The following IMMP2L variants were observed in gnomAD, a reference collection of about 807,000 sequenced individuals.
IMMP2L encodes the protein mitochondrial inner membrane protease subunit 2.
IMMP2L carries 18 observed loss-of-function variants against 19.3 expected under a neutral mutation model. That is an observed-to-expected ratio of 0.93 (90% confidence interval 0.64 to 1.38). The LOEUF (loss-of-function observed/expected upper bound fraction) is 1.38, where lower values mean the gene tolerates loss of function less well. IMMP2L is among the 40% of genes most tolerant of loss of function. IMMP2L has a pLI of 0.00. For missense variants in IMMP2L, 233 were observed against 218.2 expected (o/e 1.07, Z -0.43); for synonymous variants, 76 against 73.0 (o/e 1.04, Z -0.21).
chr7:110,849,756 C>T (rs370467892), intron 5 of IMMP2L, among the ~76,000 whole-genome samples: 33 of 152,020 alleles, frequency 2.2e-4, no homozygotes, highest in Non-Finnish European at 8.8e-5. Flanking sequence ...TGACAATAGC[C>T]TTGAAGATGT....
At chr7:110,989,681 A>C (rs1822251370) in intron 3 of IMMP2L, among the ~76,000 whole-genome samples, 1 of 150,954 alleles carries the variant, frequency 6.6e-6, no homozygotes, top group South Asian at 2.1e-4. Context: ...AAATATTAAT[A>C]TATAACTAAA....
chr7:111,229,709 G>T (rs535315700), intron 3 of IMMP2L, among the ~76,000 whole-genome samples: 5 of 152,006 alleles, frequency 3.3e-5, no homozygotes, highest in African/African-American at 1.2e-4. Flanking sequence ...AGGAATTATC[G>T]TATATATTAA....
intron 3 of IMMP2L, among the ~76,000 whole-genome samples, chr7:111,258,360 T>C (rs1425525671): frequency 1.3e-5 from 2 of 152,050 alleles, no homozygotes; most frequent in Non-Finnish European, 2.9e-5. Flanking sequence ...GGGTAAAATA[T>C]AAAATATGTT....
chr7:110,971,652 G>A (rs1490716160), intron 3 of IMMP2L, among the ~76,000 whole-genome samples: 1 of 152,110 alleles, frequency 6.6e-6, no homozygotes, highest in Admixed American at 6.6e-5. Context: ...GAATTGAAAA[G>A]CATTGTTTGC....
At chr7:111,112,165 G>A (rs912224204) in intron 3 of IMMP2L, among the ~76,000 whole-genome samples, 7 of 151,694 alleles carry the variant, frequency 4.6e-5, no homozygotes, top group East Asian at 3.9e-4. Flanking sequence ...ACTGGGTTTC[G>A]CCATGTTGGC....
chr7:110,875,371 G>T (rs1248595721), intron 5 of IMMP2L, among the ~76,000 whole-genome samples: 3 of 151,978 alleles, frequency 2.0e-5, no homozygotes, highest in Non-Finnish European at 2.9e-5. Flanking sequence ...TTGTTTGAAA[G>T]ACTATGCTTT....
At position 111,356,757 on chromosome 7, in the gene IMMP2L, T is replaced by A. The variant is rs185936865; in HGVS notation, c.239+130481A>T. The stretch of plus-strand genomic sequence containing the variant: ...AAAAGCATATATAGGCTGGGCTCAG[T>A]GGCTCATGCCTGTAATCCCTGCACT... On this transcript the variant is annotated intron_variant, in intron 3 of 5. Coordinates refer to ENST00000405709, the MANE Select transcript of IMMP2L (RefSeq NM_032549.4). 7.2e-5 allele frequency among the ~76,000 whole-genome samples: 11 copies of A among 152,320 alleles called. No individual in the cohort carries two copies. The East Asian group carries it at 2.1e-3, about 29-fold the overall frequency.
chr7:110,844,758 A>C (rs563311157), intron 5 of IMMP2L, among the ~76,000 whole-genome samples: 1 of 152,174 alleles, frequency 6.6e-6, no homozygotes, highest in South Asian at 2.1e-4. Context: ...GACAGCATGG[A>C]AATGGCAAGG....
intron 3 of IMMP2L, among the ~76,000 whole-genome samples, chr7:111,382,570 G>T (rs1402403796): frequency 1.3e-5 from 2 of 151,928 alleles, no homozygotes; most frequent in African/African-American, 4.8e-5. Context: ...GATGGTTTGG[G>T]GTATTGTCAT....
intron 2 of IMMP2L, among the ~76,000 whole-genome samples, chr7:111,515,021 G>T (rs1056876547): frequency 2.0e-5 from 3 of 151,978 alleles, no homozygotes; most frequent in Non-Finnish European, 2.9e-5. Flanking sequence ...GTATCTGATA[G>T]CTCCAATTTC....
chr7:110,723,755 T>A (rs1380601879), intron 5 of IMMP2L, among the ~76,000 whole-genome samples: 1 of 151,218 alleles, frequency 6.6e-6, no homozygotes, highest in Non-Finnish European at 1.5e-5. Flanking sequence ...AAAACAGAGG[T>A]AATGATATAG....
Position 110,830,412 on chromosome 7 carries a change from A to C in IMMP2L, c.408+56181T>G, listed in dbSNP as rs146027526. Among the ~76,000 whole-genome samples, 4 of 152,264 alleles carry C rather than the reference A, an allele frequency of 2.6e-5. No homozygotes were observed. In the East Asian group the frequency reaches 7.7e-4, roughly 29 times the overall value. On this transcript the variant is annotated intron_variant, in intron 5 of 5. Transcript: ENST00000405709. ...TGTTTCTAAAAAAAAACAGTCTATA[A>C]GACAAAAATGACCTGAAATCAAAAT...
At chr7:111,382,103 A>G (rs1272670289) in intron 3 of IMMP2L, among the ~76,000 whole-genome samples, 3 of 151,936 alleles carry the variant, frequency 2.0e-5, no homozygotes, top group Non-Finnish European at 4.4e-5. Context: ...GGTTTGCTCC[A>G]GGAGAGGTTG....
chr7:111,004,872 T>C (rs1486839558), intron 3 of IMMP2L, among the ~76,000 whole-genome samples: 1 of 152,158 alleles, frequency 6.6e-6, no homozygotes, highest in East Asian at 1.9e-4. Context: ...AAATAAAAGG[T>C]AGATTTTGAA....
chr7:111,474,955 T>G (rs2132141323), intron 3 of IMMP2L, among the ~76,000 whole-genome samples: 1 of 152,262 alleles, frequency 6.6e-6, no homozygotes, highest in East Asian at 1.9e-4. Context: ...GTCATAATAC[T>G]ATACGGTAAC....
At chr7:111,069,269 G>T (rs1296185003) in intron 3 of IMMP2L, among the ~76,000 whole-genome samples, 1 of 152,158 alleles carries the variant, frequency 6.6e-6, no homozygotes, top group Non-Finnish European at 1.5e-5. Flanking sequence ...TGATCAATTA[G>T]CAATGACTTC....
At chr7:111,194,106 TAC>T (rs952883236) in intron 3 of IMMP2L, among the ~76,000 whole-genome samples, 1 of 152,142 alleles carries the variant, frequency 6.6e-6, no homozygotes, top group African/African-American at 2.4e-5. Context: ...ACAGCACCTT[TAC>T]TCAACTTCTG....
At chr7:110,896,055 C>G (rs1329194596) in intron 4 of IMMP2L, among the ~76,000 whole-genome samples, 2 of 152,122 alleles carry the variant, frequency 1.3e-5, no homozygotes. Flanking sequence ...CTCCTAGCCT[C>G]TAATCATCCT....
chr7:110,935,835 T>A (rs1201260832), intron 4 of IMMP2L, among the ~76,000 whole-genome samples: 4 of 152,138 alleles, frequency 2.6e-5, no homozygotes, highest in Non-Finnish European at 5.9e-5. Context: ...AGCATGGTAC[T>A]GGTACCAAAA....
Sources: gnomAD v4.1 joint callset for allele counts (sites outside exome capture counted in the v4.1 genomes callset) on GRCh38, gnomAD v4.1.1 for gene constraint, MANE v1.5 for transcripts, NCBI Gene and HGNC (gene_info 2026-07-23, HGNC 2026-07-21) for gene names.